TBC1D31: variants seen among roughly 807,000 people sequenced by gnomAD.
TBC1D31 encodes WD repeat domain 67.
In TBC1D31, 99 loss-of-function variants were observed where a neutral mutation model predicts 132.9. That is an observed-to-expected ratio of 0.74 (90% confidence interval 0.63 to 0.88). The LOEUF (loss-of-function observed/expected upper bound fraction) is 0.88. TBC1D31 is among the 40% of genes least tolerant of loss of function. The probability of loss-of-function intolerance (pLI) is 0.00; values close to 1 mark genes in which losing one functional copy is unlikely to be tolerated. For missense variants in TBC1D31, 1,134 were observed against 1,256.6 expected (o/e 0.90, Z 1.48); for synonymous variants, 385 against 419.4 (o/e 0.92, Z 1.00).
At chr8:123,138,385 A>C (rs1243636144) in intron 17 of TBC1D31, among the ~76,000 whole-genome samples, 1 of 127,266 alleles carries the variant, frequency 7.9e-6, no homozygotes, top group Admixed American at 8.1e-5. Flanking sequence ...TATTTTTAGC[A>C]AATTATAAGG....
chr8:123,091,761 GGTTA>G (rs1309591950), intron 4 of TBC1D31, among the ~76,000 whole-genome samples: 4 of 152,150 alleles, frequency 2.6e-5, no homozygotes, highest in African/African-American at 4.8e-5. Context: ...AGAAAATATT[GGTTA>G]ATTTCCGTTA....
At chr8:123,116,715 A>C (rs113132202) in intron 10 of TBC1D31, among the ~76,000 whole-genome samples, 1,601 of 152,278 alleles carry the variant, frequency 0.011, 28 homozygotes, top group African/African-American at 0.036. Context: ...AAAGTAAGGA[A>C]ATGCTCTGAA....
intron 10 of TBC1D31, among the ~76,000 whole-genome samples, chr8:123,115,199 C>G (rs1245969139): frequency 6.6e-6 from 1 of 152,184 alleles, no homozygotes; most frequent in Non-Finnish European, 1.5e-5. Context: ...TTCACCGACA[C>G]TGGATGTTAT....
At chr8:123,151,480 T>A (rs1029774349) in intron 21 of TBC1D31, among the ~76,000 whole-genome samples, 13 of 152,256 alleles carry the variant, frequency 8.5e-5, no homozygotes, top group Non-Finnish European at 4.4e-5. Flanking sequence ...CTTTTCTCAT[T>A]ACTATTAAGC....
chr8:123,153,381 A>G (rs562567108), downstream of TBC1D31, among the ~76,000 whole-genome samples: 1 of 152,308 alleles, frequency 6.6e-6, no homozygotes, highest in South Asian at 2.1e-4. Context: ...CACGCCACAT[A>G]CGCATACAAA....
chr8:123,091,014 C>G (rs1343992820), intron 4 of TBC1D31, among the ~76,000 whole-genome samples: 1 of 151,796 alleles, frequency 6.6e-6, no homozygotes, highest in Non-Finnish European at 1.5e-5. Flanking sequence ...GTTCATCTAC[C>G]TCCTAAAACT....
chr8:123,075,780 T>C (rs1814448359), intron 1 of TBC1D31, among the ~76,000 whole-genome samples: 1 of 152,188 alleles, frequency 6.6e-6, no homozygotes, highest in Non-Finnish European at 1.5e-5. Context: ...AAAACTATTG[T>C]TGCAATAAAG....
chr8:123,159,350 A>G, the TBC1D31 span, among the ~76,000 whole-genome samples: 1 of 152,176 alleles, frequency 6.6e-6, no homozygotes, highest in Non-Finnish European at 1.5e-5. Context: ...CACAGGCATA[A>G]TGGTCTGTCC....
intron 6 of TBC1D31, among the ~76,000 whole-genome samples, chr8:123,099,064 CATGGGGGTTTATTTGCTTA>C (rs1158526893): frequency 1.3e-5 from 2 of 152,202 alleles, no homozygotes; most frequent in Non-Finnish European, 2.9e-5. Flanking sequence ...GACAAGGCAG[CATGGGGGTTTATTTGCTTA>C]AACTTTTTTA....
chr8:123,113,986 T>C (rs62521779), intron 10 of TBC1D31, among the ~76,000 whole-genome samples: 21,918 of 152,204 alleles, frequency 0.14, 1,881 homozygotes, highest in South Asian at 0.21. Context: ...TCTTGCCTGA[T>C]TATGAAACAA....
At chr8:123,077,882 C>T (rs1814701620) in intron 2 of TBC1D31, among the ~76,000 whole-genome samples, 1 of 152,034 alleles carries the variant, frequency 6.6e-6, no homozygotes, top group Non-Finnish European at 1.5e-5. Flanking sequence ...AACACTGTCT[C>T]TACTAAAATA....
the TBC1D31 span, among the ~76,000 whole-genome samples, chr8:123,159,328 G>A: frequency 6.6e-6 from 1 of 151,510 alleles, no homozygotes; most frequent in Admixed American, 6.6e-5. Context: ...GTACAACAGG[G>A]AACTGACTGG....
At chr8:123,113,961 T>C (rs1261961621) in intron 10 of TBC1D31, among the ~76,000 whole-genome samples, 3 of 152,124 alleles carry the variant, frequency 2.0e-5, no homozygotes, top group South Asian at 2.1e-4. Context: ...GTTTAGACAA[T>C]TGGGGAAATT....
Position 123,129,241 on chromosome 8 carries a change from A to C in TBC1D31, c.2270+23A>C, listed in dbSNP as rs201735145. 19 of 1,463,010 alleles carry C rather than the reference A, an allele frequency of 1.3e-5. No individual in the cohort carries two copies. In the African/African-American group the frequency reaches 2.7e-4, roughly 21 times the overall value. The allele number at this position is 1,463,010 out of a possible 1,614,324, so 90.6% of individuals were successfully genotyped here. Reference sequence around the variant, plus strand: ...GAGGTATGTGTTATCACTTTAAAAAAAAATCTGGACATATAAGTTAGTTGA... The same window carrying C: ...GAGGTATGTGTTATCACTTTAAAAACAAATCTGGACATATAAGTTAGTTGA... On this transcript the variant is annotated intron_variant, in intron 15 of 21. Transcript: ENST00000287380.
chr8:123,148,755 C>T (rs183392205), intron 20 of TBC1D31, among the ~76,000 whole-genome samples: 4 of 152,248 alleles, frequency 2.6e-5, no homozygotes, highest in South Asian at 2.1e-4. Flanking sequence ...CAGTGGTTTA[C>T]GCCTCTAATC....
intron 11 of TBC1D31, chr8:123,123,585 C>G (rs1372935786): frequency 6.5e-6 from 1 of 152,800 alleles, no homozygotes; most frequent in East Asian, 1.9e-4. Flanking sequence ...TTGCTGCATA[C>G]CAACCTAAAG....
At position 123,151,799 on chromosome 8, in the gene TBC1D31, T is replaced by C; in HGVS notation, c.3068-7T>C. 6.4e-7 allele frequency: 1 copy of C among 1,550,866 alleles called. No homozygotes were observed. Among genetic ancestry groups the C allele is most frequent in the Non-Finnish European group, 8.6e-7 (1 of 1,160,986 alleles). ...AGCTTTTCTAAATTTTAAATTTCGT[T>C]TTCAAGTTTCTTTAAATAGAAGAGC... On this transcript the variant is annotated splice_polypyrimidine_tract_variant and splice_region_variant and intron_variant, in intron 21 of 21. Transcript: ENST00000287380.
chr8:123,082,285 C>T (rs1282575940), intron 2 of TBC1D31, among the ~76,000 whole-genome samples: 1 of 152,038 alleles, frequency 6.6e-6, no homozygotes, highest in Non-Finnish European at 1.5e-5. Context: ...TACGCAAGAT[C>T]GGGTCCTGAT....
intron 20 of TBC1D31, among the ~76,000 whole-genome samples, chr8:123,148,557 G>A (rs1270514697): frequency 6.6e-6 from 1 of 152,030 alleles, no homozygotes; most frequent in African/African-American, 2.4e-5. Flanking sequence ...GGGCAACATA[G>A]TGAGACTGCC....
Sources: gnomAD v4.1 joint callset for allele counts (sites outside exome capture counted in the v4.1 genomes callset) on GRCh38, gnomAD v4.1.1 for gene constraint, MANE v1.5 for transcripts, NCBI Gene and HGNC (gene_info 2026-07-23, HGNC 2026-07-21) for gene names.